FER1L6: variants seen among roughly 807,000 people sequenced by gnomAD.
FER1L6 encodes the protein fer-1-like protein 6.
In FER1L6, 177 loss-of-function variants were observed where a neutral mutation model predicts 219.2. That is an observed-to-expected ratio of 0.81 (90% confidence interval 0.71 to 0.91). The LOEUF (loss-of-function observed/expected upper bound fraction) is 0.91. FER1L6 is among the 40% of genes least tolerant of loss of function. The probability of loss-of-function intolerance (pLI) is 0.00; values close to 1 mark genes in which losing one functional copy is unlikely to be tolerated. For synonymous variants in FER1L6, 768 were observed against 824.3 expected (o/e 0.93, Z 1.17); for missense variants, 2,153 against 2,259.9 (o/e 0.95, Z 0.96).
At chr8:123,957,270 C>T (rs943074106) in intron 2 of FER1L6, among the ~76,000 whole-genome samples, 5 of 151,996 alleles carry the variant, frequency 3.3e-5, no homozygotes, top group African/African-American at 9.7e-5. Flanking sequence ...TGATTAAGAG[C>T]CTTGGATAGA....
intron 39 of FER1L6, among the ~76,000 whole-genome samples, chr8:124,106,935 T>C (rs1822800217): frequency 7.2e-6 from 1 of 139,820 alleles, no homozygotes; most frequent in Non-Finnish European, 1.5e-5. Context: ...TAAGAGATTA[T>C]AAGGTTTTCT....
chr8:123,910,271 T>G (rs1206119304), intron 1 of FER1L6, among the ~76,000 whole-genome samples: 1 of 152,220 alleles, frequency 6.6e-6, no homozygotes, highest in African/African-American at 2.4e-5. Flanking sequence ...GATATTCTCC[T>G]GTAGAGAATT....
intron 35 of FER1L6, among the ~76,000 whole-genome samples, 177 bp from the exon 36 acceptor site, chr8:124,097,094 T>C (rs528864607): frequency 1.1e-3 from 10 of 8,982 alleles, no homozygotes; most frequent in East Asian, 8.6e-3. Context: ...TATATATATA[T>C]ACATACATAC....
At chr8:124,038,944 A>G (rs1819340119) in intron 19 of FER1L6, among the ~76,000 whole-genome samples, 1 of 152,216 alleles carries the variant, frequency 6.6e-6, no homozygotes, top group African/African-American at 2.4e-5. Context: ...GTAAAAAGGG[A>G]TAAGTGAATA....
rs535564133 is a variant in FER1L6, at chr8:124,007,264, G to GTC, written c.1701-3318_1701-3317dup. 2.6e-3 allele frequency among the ~76,000 whole-genome samples: 394 copies of GTC among 151,710 alleles called. 5 individuals carry two copies. Among genetic ancestry groups the GTC allele is most frequent in the South Asian group, 0.014 (69 of 4,768 alleles). On this transcript the variant is annotated intron_variant, in intron 13 of 40. Coordinates refer to ENST00000522917, the MANE Select transcript of FER1L6 (RefSeq NM_001039112.2). ...TTAGCTTTTTGGAATGAAAACAAAT[G>GTC]TCTCTCTCTCTCTTTCTCTCTCTCC...
At chr8:123,958,220 C>CGAGGG (rs1815102982) in intron 2 of FER1L6, among the ~76,000 whole-genome samples, 2 of 152,146 alleles carry the variant, frequency 1.3e-5, no homozygotes, top group African/African-American at 2.4e-5. Context: ...CTGGATGGTC[C>CGAGGG]GAGGGGAGGA....
chr8:123,946,160 A>G (rs1027480326), intron 1 of FER1L6, among the ~76,000 whole-genome samples: 3 of 152,212 alleles, frequency 2.0e-5, no homozygotes, highest in Admixed American at 6.5e-5. Context: ...AGCTCTTCCA[A>G]TGAATAGATT....
chr8:124,097,997 C>T lies in FER1L6; in HGVS notation c.4883+114C>T, dbSNP rs2130971814. 5.4e-6 allele frequency: 3 copies of T among 558,140 alleles called. No individual in the cohort carries two copies. In the South Asian group the frequency reaches 8.4e-5, roughly 16 times the overall value. 34.6% of individuals were successfully genotyped at this position (558,140 alleles called of 1,614,324 possible). Reference sequence around the variant, plus strand: ...TAAACCCACAGCCCACAAAGTGAGCCATCTTACTTTTAAGGCCACCTTCTT... The same window carrying T: ...TAAACCCACAGCCCACAAAGTGAGCTATCTTACTTTTAAGGCCACCTTCTT... On this transcript the variant is annotated intron_variant, in intron 37 of 40. Transcript: ENST00000522917.
At chr8:124,015,571 CTATATA>C (rs781161909) in intron 15 of FER1L6, among the ~76,000 whole-genome samples, 1,113 of 43,244 alleles carry the variant, frequency 0.026, 47 homozygotes, top group Admixed American at 0.035. Flanking sequence ...ATTATAAAAG[CTATATA>C]TATATATATA....
rs1344579219 is a variant in FER1L6, at chr8:123,870,156, G to T, written c.-8+17971G>T. Among the ~76,000 whole-genome samples the T allele has an allele frequency of 2.6e-5, 4 of 152,202 alleles. No individual in the cohort carries two copies. In the East Asian group the frequency reaches 7.7e-4, roughly 29 times the overall value. On this transcript the variant is annotated intron_variant, in intron 1 of 40. Coordinates refer to ENST00000522917, the MANE Select transcript of FER1L6 (RefSeq NM_001039112.2). The stretch of plus-strand genomic sequence containing the variant: ...ATCTAAAAACCTAACAAAGCCAATT[G>T]CTGATAGAGATGTGAAGCAGCAGAA...
At chr8:124,093,063 A>T (rs887028328) in intron 34 of FER1L6, among the ~76,000 whole-genome samples, 3 of 152,182 alleles carry the variant, frequency 2.0e-5, no homozygotes, top group Admixed American at 2.0e-4. Flanking sequence ...ACCTCAGGTG[A>T]TCTGCCCGCC....
chr8:123,919,502 G>A (rs1050435343), intron 1 of FER1L6, among the ~76,000 whole-genome samples: 11 of 152,184 alleles, frequency 7.2e-5, no homozygotes, highest in Non-Finnish European at 1.5e-4. Flanking sequence ...TGCCCTGGGG[G>A]GCCTGCCACA....
intron 1 of FER1L6, among the ~76,000 whole-genome samples, chr8:123,855,993 T>C (rs1383640630): frequency 1.4e-5 from 2 of 145,720 alleles, no homozygotes; most frequent in African/African-American, 5.0e-5. Context: ...GATATATGTA[T>C]ATACATATGT....
chr8:123,943,017 G>A (rs914303580), intron 1 of FER1L6, among the ~76,000 whole-genome samples: 5 of 152,196 alleles, frequency 3.3e-5, no homozygotes, highest in African/African-American at 1.2e-4. Context: ...TCTGGGCCAG[G>A]TGGCCTCAGT....
intron 16 of FER1L6, 71 bp downstream of exon 16, chr8:124,017,789 A>G: frequency 8.1e-7 from 1 of 1,233,788 alleles, no homozygotes; most frequent in Non-Finnish European, 1.2e-6. Context: ...CATAGGTCAC[A>G]GACCAAATGA....
intron 1 of FER1L6, among the ~76,000 whole-genome samples, chr8:123,900,062 T>A (rs10956154): frequency 0.31 from 47,768 of 151,994 alleles, 8,246 homozygotes; most frequent in Middle Eastern, 0.4. Context: ...GGGGATTGCA[T>A]TGAATTTGTA....
At chr8:124,008,823 C>T (rs564209336) in intron 13 of FER1L6, among the ~76,000 whole-genome samples, 13 of 152,174 alleles carry the variant, frequency 8.5e-5, no homozygotes, top group Admixed American at 5.2e-4. Flanking sequence ...CATGAATAGA[C>T]AGTTCTCAAA....
At chr8:123,865,976 T>C (rs957660197) in intron 1 of FER1L6, among the ~76,000 whole-genome samples, 2 of 151,320 alleles carry the variant, frequency 1.3e-5, no homozygotes, top group South Asian at 2.1e-4. Context: ...AGACCGGAGC[T>C]GTTCCTATTC....
intron 31 of FER1L6, among the ~76,000 whole-genome samples, chr8:124,071,910 A>G (rs1183534382): frequency 6.6e-6 from 1 of 152,010 alleles, no homozygotes; most frequent in Non-Finnish European, 1.5e-5. Context: ...TCCTTTTCCT[A>G]TAAAGACACT....
Sources: allele counts gnomAD v4.1 joint callset (sites outside exome capture counted in the v4.1 genomes callset), GRCh38; gene constraint gnomAD v4.1.1; transcripts MANE v1.5; gene names NCBI Gene and HGNC (gene_info 2026-07-23, HGNC 2026-07-21).